Variants in ZBTB41 observed in about 807,000 individuals in gnomAD.
ZBTB41 encodes zinc finger and BTB domain containing 41, also known as zinc finger and BTB domain-containing protein 41.
A neutral mutation model predicts 87.6 loss-of-function variants in ZBTB41; 42 were observed. The ratio of observed to expected loss-of-function variants is 0.48; its 90% CI spans 0.37 to 0.62. The LOEUF is 0.62. Ranked by LOEUF, ZBTB41 falls within the 20% of genes least tolerant of loss-of-function variation. ZBTB41 has a pLI of 0.00. For synonymous variants in ZBTB41, 364 were observed against 364.0 expected, an observed-to-expected ratio of 1.00 and a Z score of 0.00; for missense variants, 799 against 1,078.9, an observed-to-expected ratio of 0.74 and a Z score of 3.63.
intron 10 of ZBTB41, among the ~76,000 whole-genome samples, chr1:197,163,956 A>T (rs1659257825): frequency 1.3e-5 from 2 of 152,106 alleles, no homozygotes; most frequent in African/African-American, 4.8e-5. Flanking sequence ...ATGAAAGAGA[A>T]CTTTTCATGT....
At chr1:197,194,238 G>A (rs538351159) in intron 2 of ZBTB41, among the ~76,000 whole-genome samples, 11 of 152,034 alleles carry the variant, frequency 7.2e-5, no homozygotes, top group East Asian at 1.9e-4. Flanking sequence ...GGCTGGTCTC[G>A]AACTCCTGAC....
intron 10 of ZBTB41, among the ~76,000 whole-genome samples, chr1:197,167,196 G>C (rs1659367517): frequency 6.6e-6 from 1 of 151,988 alleles, no homozygotes; most frequent in Non-Finnish European, 1.5e-5. Context: ...TTATGTGTTT[G>C]AATGTTTGTT....
rs764383864 is a variant in ZBTB41 at position 197,157,682 on chromosome 1, T to C, written c.*1677A>G. 3.9e-5 allele frequency: 6 copies of C among 152,332 alleles called. No individual in the cohort carries two copies. Among genetic ancestry groups the C allele is most frequent in the Non-Finnish European group, 8.8e-5 (6 of 67,814 alleles). 9.4% of individuals were successfully genotyped at this position (152,332 alleles called of 1,614,324 possible). A position where few individuals can be genotyped will look rare whatever the true frequency, so the allele number is the denominator to read the frequency against. On this transcript the variant is annotated 3_prime_UTR_variant, in exon 11 of 11. Coordinates refer to ENST00000367405, the MANE Select transcript of ZBTB41 (RefSeq NM_194314.3). ...AATGAGGCTAAACTCAGATTGGTTT[T>C]ATTATTTATATGAGCTACTTTGGTT...
At chr1:197,160,054 A>T in intron 10 of ZBTB41, 40 bp from the exon 11 acceptor site, 1 of 1,514,672 alleles carries the variant, frequency 6.6e-7, no homozygotes, top group African/African-American at 1.4e-5. Flanking sequence ...TGTAAAATGT[A>T]CTCAACTTGA....
At chr1:197,169,288 G>A (rs1007658098) in intron 10 of ZBTB41, among the ~76,000 whole-genome samples, 1 of 151,944 alleles carries the variant, frequency 6.6e-6, no homozygotes, top group African/African-American at 2.4e-5. Context: ...GATGTTCACA[G>A]CAGCTTTATT....
Position 197,191,773 on chromosome 1 carries a change from T to C in ZBTB41, c.1247A>G (p.Glu416Gly), listed in dbSNP as rs375517703. The change falls in exon 3 of 11, where the codon GAA (glutamate) becomes GGA (glycine). Residue 416 changes from glutamate to glycine, a missense_variant. Glu to Gly is a moderately conservative substitution (Grantham distance 98, BLOSUM62 -2). Coordinates refer to ENST00000367405, the MANE Select transcript of ZBTB41 (RefSeq NM_194314.3). ...GCACTTGTGCTCCTTCTTATGAAAT[T>C]CTGTTTCATTACTGTGCTTCTTTCT... ...VHRKKHSNET[E>G]FHKKEHKCPY... The C allele has an allele frequency of 6.7e-5, 108 of 1,613,784 alleles. No individual in the cohort carries two copies. The highest frequency in any genetic ancestry group is 1.7e-4 in the Middle Eastern group (1 of 6,060).
At chr1:197,180,230 C>T (rs189031753) in intron 6 of ZBTB41, among the ~76,000 whole-genome samples, 18 of 152,238 alleles carry the variant, frequency 1.2e-4, no homozygotes, top group Non-Finnish European at 2.1e-4. Flanking sequence ...CAGTAACATG[C>T]TATACAGGTT....
At chr1:197,161,257 T>G (rs1557973781) in intron 10 of ZBTB41, among the ~76,000 whole-genome samples, 1 of 152,070 alleles carries the variant, frequency 6.6e-6, no homozygotes, top group African/African-American at 2.4e-5. Context: ...AACTCATATA[T>G]CCAGAAACAC....
At chr1:197,178,386 C>T (rs75990074) in intron 7 of ZBTB41, 31 bp downstream of exon 7, 25,515 of 1,425,762 alleles carry the variant, frequency 0.018, 312 homozygotes, top group Non-Finnish European at 0.023. Context: ...TTCTATCTTA[C>T]TTAATAAAGG....
intron 6 of ZBTB41, among the ~76,000 whole-genome samples, chr1:197,180,780 A>C (rs1659726537): frequency 6.6e-6 from 1 of 152,158 alleles, no homozygotes; most frequent in Non-Finnish European, 1.5e-5. Flanking sequence ...AAATATGTAC[A>C]TTAAATCATC....
chr1:197,199,344 C>G lies in ZBTB41; in HGVS notation c.1120+10G>C, dbSNP rs1290364691. ...TGATTAGAGATAGAAAACCAGTTTT[C>G]TTTTCTTACCTATTCGGTCAAATGT... On this transcript the variant is annotated intron_variant, in intron 2 of 10. Coordinates refer to ENST00000367405, the MANE Select transcript of ZBTB41 (RefSeq NM_194314.3). 1.6e-5 allele frequency: 24 copies of G among 1,470,200 alleles called. No homozygotes were observed. Among genetic ancestry groups the G allele is most frequent in the Admixed American group, 2.6e-5 (1 of 37,804 alleles). The allele number at this position is 1,470,200 out of a possible 1,614,324, so 91.1% of individuals were successfully genotyped here. A position where few individuals can be genotyped will look rare whatever the true frequency, so the allele number is the denominator to read the frequency against.
chr1:197,193,319 T>C (rs887948059), intron 2 of ZBTB41, among the ~76,000 whole-genome samples: 1 of 151,894 alleles, frequency 6.6e-6, no homozygotes, highest in African/African-American at 2.4e-5. Context: ...GGGTGAACAC[T>C]TGAGGTCATG....
chr1:197,201,152 C>A (rs1009387277), intron 1 of ZBTB41, among the ~76,000 whole-genome samples, 71 bp downstream of exon 1: 1 of 152,224 alleles, frequency 6.6e-6, no homozygotes. Flanking sequence ...GCGGAGAATG[C>A]GCTTGTAGTC....
intron 10 of ZBTB41, among the ~76,000 whole-genome samples, chr1:197,162,640 A>G (rs904664419): frequency 1.3e-5 from 2 of 152,180 alleles, no homozygotes; most frequent in African/African-American, 2.4e-5. Context: ...GGGAAAGATA[A>G]AAGATTTTTA....
chr1:197,188,558 C>A (rs1659940179), intron 4 of ZBTB41, 119 bp from the exon 5 acceptor site: 3 of 1,026,506 alleles, frequency 2.9e-6, no homozygotes, highest in Non-Finnish European at 4.1e-6. Context: ...CAACAGAAAA[C>A]TTACAAAAAG....
At position 197,155,183 on chromosome 1, in the gene ZBTB41, G is replaced by A. The variant is rs1659035583; in HGVS notation, c.*4176C>T. The A allele has an allele frequency of 6.6e-6, 1 of 152,066 alleles. No homozygotes were observed. The highest frequency in any genetic ancestry group is 2.4e-5 in the African/African-American group (1 of 41,318). 9.4% of individuals were successfully genotyped at this position (152,066 alleles called of 1,614,324 possible). On this transcript the variant is annotated 3_prime_UTR_variant, in exon 11 of 11. Coordinates refer to ENST00000367405, the MANE Select transcript of ZBTB41 (RefSeq NM_194314.3). ...TCCTCTAATAAGCATATAGAGACAG[G>A]CCCAAGAGTGGCTTCACAGTAACTA... is the stretch of plus-strand genomic sequence containing the variant.
intron 7 of ZBTB41, among the ~76,000 whole-genome samples, chr1:197,177,415 C>A (rs945662296): frequency 2.3e-4 from 35 of 152,082 alleles, no homozygotes; most frequent in African/African-American, 1.2e-4. Flanking sequence ...TCAATTAAAT[C>A]CTTTTTCTTT....
intron 10 of ZBTB41, among the ~76,000 whole-genome samples, chr1:197,169,525 A>C (rs1348514913): frequency 6.6e-6 from 1 of 152,036 alleles, no homozygotes; most frequent in Admixed American, 6.6e-5. Context: ...CTATTAATAT[A>C]AGTCAAAATA....
At chr1:197,198,913 T>C (rs1431239940) in intron 2 of ZBTB41, among the ~76,000 whole-genome samples, 1 of 152,146 alleles carries the variant, frequency 6.6e-6, no homozygotes, top group Non-Finnish European at 1.5e-5. Flanking sequence ...TAAATAGTGC[T>C]AGATACTGGA....
Sources: gnomAD v4.1 joint callset for allele counts (sites outside exome capture counted in the v4.1 genomes callset) on GRCh38, gnomAD v4.1.1 for gene constraint, MANE v1.5 for transcripts, NCBI Gene and HGNC (gene_info 2026-07-23, HGNC 2026-07-21) for gene names.